ABCA9: variants seen among roughly 807,000 people sequenced by gnomAD.
The protein encoded by ABCA9 is ATP binding cassette subfamily A member 9, also known as ATP-binding cassette sub-family A member 9.
Under a neutral mutation model 205.3 loss-of-function variants are expected in ABCA9, and 183 were observed. The ratio of observed to expected loss-of-function variants is 0.89; its 90% confidence interval spans 0.79 to 1.01. The LOEUF is 1.01. ABCA9 is among the 50% of genes least tolerant of loss of function. The pLI is 0.00. For missense variants in ABCA9, 1,805 were observed against 1,912.4 expected (o/e 0.94, Z 1.05); for synonymous variants, 651 against 683.3 (o/e 0.95, Z 0.74).
At chr17:69,001,258 G>C (rs2069855510) in intron 25 of ABCA9, among the ~76,000 whole-genome samples, 1 of 152,082 alleles carries the variant, frequency 6.6e-6, no homozygotes, top group Non-Finnish European at 1.5e-5. Flanking sequence ...CTGTGGGTTT[G>C]TCATAGATAA....
intron 18 of ABCA9, among the ~76,000 whole-genome samples, chr17:69,021,407 C>T (rs1391436019): frequency 6.6e-6 from 1 of 152,090 alleles, no homozygotes; most frequent in African/African-American, 2.4e-5. Flanking sequence ...GGAATAATAT[C>T]ACTGAAATGC....
chr17:69,057,728 C>T (rs2072111103), intron 1 of ABCA9, among the ~76,000 whole-genome samples: 1 of 152,164 alleles, frequency 6.6e-6, no homozygotes, highest in South Asian at 2.1e-4. Flanking sequence ...AAACTATAGT[C>T]ACCCATTTGT....
At chr17:69,050,220 C>T (rs1022768799) in intron 2 of ABCA9, among the ~76,000 whole-genome samples, 3 of 151,796 alleles carry the variant, frequency 2.0e-5, no homozygotes, top group South Asian at 2.1e-4. Flanking sequence ...CTATGTAGGG[C>T]GGGATCACAA....
intron 19 of ABCA9, 127 bp from the exon 20 acceptor site, chr17:69,018,706 C>CTT (rs1408092576): frequency 1.4e-6 from 1 of 691,956 alleles, no homozygotes; most frequent in Non-Finnish European, 2.3e-6. Flanking sequence ...TTGAATCATA[C>CTT]TTTGCCCCAC....
chr17:69,020,715 T>TC, intron 18 of ABCA9, 129 bp from the exon 19 acceptor site: 1 of 690,010 alleles, frequency 1.4e-6, no homozygotes, highest in Non-Finnish European at 2.4e-6. Context: ...TAATCTAATG[T>TC]ATGACATTAT....
chr17:69,000,933 T>TTGG (rs536207329), intron 25 of ABCA9, among the ~76,000 whole-genome samples: 16,113 of 136,514 alleles, frequency 0.12, 3,192 homozygotes, highest in African/African-American at 0.45. Flanking sequence ...TTGTCTGTTG[T>TTGG]TGTATAGGAA....
intron 10 of ABCA9, 100 bp downstream of exon 10, chr17:69,032,008 A>AGAG: frequency 8.8e-7 from 1 of 1,142,722 alleles, no homozygotes; most frequent in Admixed American, 2.1e-5. Context: ...AGGTGGGTAC[A>AGAG]GAGGGCACAG....
rs1463342718 is a variant in ABCA9 at position 69,023,240 on chromosome 17, C to T, written c.2281+974G>A. 6.6e-6 allele frequency: 1 copy of T among 152,114 alleles called. No homozygotes were observed. The highest frequency in any genetic ancestry group is 1.5e-5 in the Non-Finnish European group (1 of 68,016). The allele number at this position is 152,114 out of a possible 1,614,324, so 9.4% of individuals were successfully genotyped here. A position where few individuals can be genotyped will look rare whatever the true frequency, so the allele number is the denominator to read the frequency against. On this transcript the variant is annotated intron_variant, in intron 17 of 38. Transcript: ENST00000340001. This position sits in a 1 kb window ranked among gnomAD's most constrained non-coding sequence, Gnocchi z 4.2. ...AGGGCTTCTTACACCTGATGAAATA[C>T]CATAGGTTCTGCATGTCAGGTATTG...
chr17:68,983,945 G>A, intron 35 of ABCA9, 96 bp from the exon 36 acceptor site: 2 of 1,601,954 alleles, frequency 1.2e-6, no homozygotes. Context: ...GCCACATAGA[G>A]TTGGAAGCAA....
chr17:69,046,932 A>G (rs1436724550), intron 3 of ABCA9, among the ~76,000 whole-genome samples: 4 of 103,320 alleles, frequency 3.9e-5, no homozygotes, highest in Admixed American at 2.2e-4. Context: ...TATATATAGA[A>G]AATTTTATAT....
chr17:69,043,375 T>C, intron 6 of ABCA9, 114 bp downstream of exon 6: 1 of 760,506 alleles, frequency 1.3e-6, no homozygotes, highest in South Asian at 1.9e-5. Context: ...TAACTGGCCA[T>C]GGACCAGTAG....
Position 68,995,833 on chromosome 17 carries a change from T to A in ABCA9, c.3555+62A>T, listed in dbSNP as rs1284250593. On this transcript the variant is annotated intron_variant, in intron 26 of 38. Coordinates refer to ENST00000340001, the MANE Select transcript of ABCA9 (RefSeq NM_080283.4). ...GGACTCTATCTATATTTTTGCAATA[T>A]TCATGGCTTTCTCAAATGACCACAC... The A allele has an allele frequency of 3.3e-5, 53 of 1,596,314 alleles. No homozygotes were observed. In the South Asian group the frequency reaches 5.9e-4, roughly 18 times the overall value.
intron 26 of ABCA9, among the ~76,000 whole-genome samples, chr17:68,993,442 G>T (rs1245623623): frequency 6.6e-6 from 1 of 152,110 alleles, no homozygotes; most frequent in African/African-American, 2.4e-5. Context: ...CTCTTCCCTC[G>T]ATTATGCCCC....
chr17:69,035,770 T>C lies in ABCA9; in HGVS notation c.832A>G (p.Ile278Val). ...LSWGLMYAGF[I>V]LIMATLMALI... ...GCCATTAAAGTGGCCATGATAAGGATGAAGCCAGCATACATCAAACCCCAG... is the reference window on the plus strand; with the variant it reads ...GCCATTAAAGTGGCCATGATAAGGACGAAGCCAGCATACATCAAACCCCAG... Residue 278 changes from isoleucine (I) to valine (V), a missense_variant, in exon 7 of 39, where the codon ATC (isoleucine) becomes GTC (valine). Transcript: ENST00000340001. The C allele has an allele frequency of 1.2e-6, 2 of 1,613,632 alleles. No individual in the cohort carries two copies. Among genetic ancestry groups the C allele is most frequent in the East Asian group, 4.5e-5 (2 of 44,804 alleles).
intron 11 of ABCA9, 121 bp downstream of exon 11, chr17:69,029,048 T>A: frequency 2.0e-6 from 1 of 505,882 alleles, no homozygotes; most frequent in Non-Finnish European, 3.4e-6. Flanking sequence ...GGAAACATAA[T>A]GTGTTCAAAT....
At chr17:68,996,867 T>C (rs1042703682) in intron 25 of ABCA9, among the ~76,000 whole-genome samples, 1 of 152,232 alleles carries the variant, frequency 6.6e-6, no homozygotes, top group Non-Finnish European at 1.5e-5. Flanking sequence ...TTCCTTTAGC[T>C]GCTAATACTG....
intron 6 of ABCA9, 120 bp from the exon 7 acceptor site, chr17:69,035,921 C>A: frequency 8.4e-7 from 1 of 1,189,750 alleles, no homozygotes; most frequent in Non-Finnish European, 1.1e-6. Flanking sequence ...AAAGAAAATG[C>A]AATAGCTAAC....
At position 69,000,081 on chromosome 17, in the gene ABCA9, G is replaced by C. The variant is rs1239094412; in HGVS notation, c.3436-4067C>G. Among the ~76,000 whole-genome samples, 40 of 151,242 alleles carry C rather than the reference G, an allele frequency of 2.6e-4. No individual in the cohort carries two copies. In the East Asian group the frequency reaches 7.6e-3, roughly 29 times the overall value. On this transcript the variant is annotated intron_variant, in intron 25 of 38. Coordinates refer to ENST00000340001, the MANE Select transcript of ABCA9 (RefSeq NM_080283.4). ...TTTTCTCCCATGTTGTAGGTTGCCT[G>C]TTCACTCTGATGGTAGTTTCTTTTG... is the stretch of plus-strand genomic sequence containing the variant.
At position 68,986,201 on chromosome 17, in the gene ABCA9, C is replaced by G; in HGVS notation, c.4171G>C (p.Gly1391Arg). Reference protein sequence around the residue: ...QHLEVYAAVKGLRKGDAMIAI... With the variant: ...QHLEVYAAVKRLRKGDAMIAI... Reference sequence around the variant, plus strand: ...ATCATTGCGTCCCCTTTCCTGAGACCTTTCACGGCAGCGTACACCTCCAGG... The same window carrying G: ...ATCATTGCGTCCCCTTTCCTGAGACGTTTCACGGCAGCGTACACCTCCAGG... The change falls in exon 32 of 39, where the codon GGT becomes CGT. Residue 1391 changes from glycine to arginine, a missense_variant. Transcript: ENST00000340001. 6.2e-7 allele frequency: 1 copy of G among 1,613,180 alleles called. No homozygotes were observed. The highest frequency in any genetic ancestry group is 8.5e-7 in the Non-Finnish European group (1 of 1,179,552).
Sources: allele counts gnomAD v4.1 joint callset (sites outside exome capture counted in the v4.1 genomes callset), GRCh38; gene constraint gnomAD v4.1.1; non-coding constraint Gnocchi (gnomAD v3.1); transcripts MANE v1.5; gene names NCBI Gene and HGNC (gene_info 2026-07-23, HGNC 2026-07-21).